Variants in RBFOX1 observed in about 807,000 individuals in gnomAD.
RBFOX1 encodes RNA binding protein fox-1 homolog 1.
RBFOX1 carries 8 observed loss-of-function variants against 57.7 expected under a neutral mutation model. The observed-to-expected ratio is 0.14, with a 90% CI of 0.08 to 0.25. The LOEUF is 0.25. RBFOX1 is among the 10% of genes least tolerant of loss of function. RBFOX1 has a pLI of 1.00. For missense variants in RBFOX1, 611 were observed against 548.5 expected (o/e 1.11, Z -1.14); for synonymous variants, 326 against 222.4 (o/e 1.47, Z -4.15).
At chr16:5,803,708 C>T (rs759292132) in intron 3 of RBFOX1, among the ~76,000 whole-genome samples, 6 of 152,142 alleles carry the variant, frequency 3.9e-5, no homozygotes, top group African/African-American at 1.4e-4. Flanking sequence ...ATACTAGGCA[C>T]AGAGTGGGTA....
At chr16:5,703,737 ATG>A (rs1432892487) in intron 3 of RBFOX1, among the ~76,000 whole-genome samples, 4 of 152,044 alleles carry the variant, frequency 2.6e-5, no homozygotes, top group Admixed American at 6.6e-5. Flanking sequence ...CAAGTGTCAA[ATG>A]TGTGTGTATA....
At chr16:7,425,314 G>T (rs1225574244) in intron 4 of RBFOX1, among the ~76,000 whole-genome samples, 2 of 152,118 alleles carry the variant, frequency 1.3e-5, no homozygotes, top group African/African-American at 2.4e-5. Context: ...CCCGCAAGGG[G>T]TCTATTTGAT....
intron 4 of RBFOX1, among the ~76,000 whole-genome samples, chr16:7,148,342 T>A (rs1444419496): frequency 1.3e-5 from 2 of 152,206 alleles, no homozygotes; most frequent in African/African-American, 2.4e-5. Flanking sequence ...AAGCCTGATT[T>A]TAGCATCTAT....
intron 4 of RBFOX1, among the ~76,000 whole-genome samples, chr16:5,908,346 G>A (rs975107974): frequency 1.2e-5 from 1 of 80,638 alleles, no homozygotes; most frequent in Non-Finnish European, 3.0e-5. Context: ...GTGTGTGTGT[G>A]TGTGTGTCTG....
intron 2 of RBFOX1, among the ~76,000 whole-genome samples, chr16:5,581,389 G>A (rs1474942723): frequency 2.6e-5 from 4 of 152,226 alleles, no homozygotes; most frequent in Non-Finnish European, 5.9e-5. Context: ...ACCTATGTGT[G>A]TCAGTGGGGC....
At chr16:5,406,871 T>G (rs1264277512) in intron 1 of RBFOX1, among the ~76,000 whole-genome samples, 2 of 152,126 alleles carry the variant, frequency 1.3e-5, no homozygotes, top group Non-Finnish European at 1.5e-5. Flanking sequence ...TGAAGAGTGC[T>G]GTGCAGGTGG....
Position 5,289,482 on chromosome 16 carries a change from T to C in RBFOX1, c.219+49377T>C, listed in dbSNP as rs191646368. On this transcript the variant is annotated intron_variant, in intron 1 of 2. Transcript: ENST00000585867. ...AATATAAAAAGAAAGCAAAGTATTT[T>C]GTTAATGTTAAAATATTTTATACAT... 8 of 207,442 alleles carry C rather than the reference T, an allele frequency of 3.9e-5. No individual in the cohort carries two copies. In the East Asian group the frequency reaches 8.5e-4, roughly 22 times the overall value. The allele number at this position is 207,442 out of a possible 1,614,324, so 12.9% of individuals were successfully genotyped here.
chr16:7,399,800 G>A (rs928487294), intron 4 of RBFOX1, among the ~76,000 whole-genome samples: 1 of 152,170 alleles, frequency 6.6e-6, no homozygotes, highest in Non-Finnish European at 1.5e-5. Context: ...TCACAGGCAC[G>A]AGGGGTTAAG....
At chr16:7,288,938 TC>T (rs1408246448) in intron 4 of RBFOX1, among the ~76,000 whole-genome samples, 55 of 152,314 alleles carry the variant, frequency 3.6e-4, no homozygotes, top group African/African-American at 1.3e-3. Context: ...GAATCGTTTG[TC>T]TGGTGAGAGG....
intron 14 of RBFOX1, among the ~76,000 whole-genome samples, chr16:7,694,690 C>T (rs1367184737): frequency 6.6e-6 from 1 of 152,136 alleles, no homozygotes; most frequent in Non-Finnish European, 1.5e-5. Context: ...GTGCTAGGTG[C>T]AATGGTTAAT....
chr16:7,599,141 G>T (rs567147536), intron 9 of RBFOX1, among the ~76,000 whole-genome samples: 7 of 152,354 alleles, frequency 4.6e-5, no homozygotes, highest in African/African-American at 1.7e-4. Flanking sequence ...TAAATGCCCA[G>T]TGCTGAACTG....
intron 4 of RBFOX1, among the ~76,000 whole-genome samples, chr16:7,330,541 GAGAGAGA>G: frequency 6.7e-6 from 1 of 150,364 alleles, no homozygotes; most frequent in African/African-American, 2.5e-5. Context: ...GAGAGAGAGA[GAGAGAGA>G]AAGTTACATA....
At chr16:7,064,617 T>C (rs1419113575) in intron 4 of RBFOX1, among the ~76,000 whole-genome samples, 2 of 152,198 alleles carry the variant, frequency 1.3e-5, no homozygotes, top group African/African-American at 4.8e-5. Flanking sequence ...CGCAGACTTC[T>C]GGCCTCCAGC....
At chr16:5,339,454 A>C (rs889503583) in intron 1 of RBFOX1, among the ~76,000 whole-genome samples, 8 of 102,982 alleles carry the variant, frequency 7.8e-5, no homozygotes, top group African/African-American at 2.5e-4. Context: ...CAAAAGCTAG[A>C]AGCTGCTTTT....
chr16:7,364,382 A>G (rs28471081), intron 4 of RBFOX1, among the ~76,000 whole-genome samples: 35,655 of 152,042 alleles, frequency 0.23, 4,488 homozygotes, highest in African/African-American at 0.32. Context: ...AAATGACTAC[A>G]TTATGGTGCT....
At chr16:5,775,998 C>A (rs1410794391) in intron 3 of RBFOX1, among the ~76,000 whole-genome samples, 1 of 152,022 alleles carries the variant, frequency 6.6e-6, no homozygotes, top group East Asian at 1.9e-4. Context: ...ATCACCTGGC[C>A]CAGGCTGCAG....
chr16:6,653,527 G>A (rs1039993415), intron 2 of RBFOX1, among the ~76,000 whole-genome samples: 1 of 152,106 alleles, frequency 6.6e-6, no homozygotes, highest in Non-Finnish European at 1.5e-5. Context: ...AATTATGTTT[G>A]TTTCACCTTT....
At chr16:7,298,101 A>T (rs1391072201) in intron 4 of RBFOX1, among the ~76,000 whole-genome samples, 1 of 152,118 alleles carries the variant, frequency 6.6e-6, no homozygotes, top group Non-Finnish European at 1.5e-5. Flanking sequence ...AGATTTTTCC[A>T]AGGAAAGACA....
chr16:6,512,997 C>G (rs151133322), intron 2 of RBFOX1, among the ~76,000 whole-genome samples: 1 of 152,144 alleles, frequency 6.6e-6, no homozygotes, highest in Admixed American at 6.5e-5. Context: ...GTTACGAATT[C>G]CTACTTCTCA....
Sources: allele counts gnomAD v4.1 joint callset (sites outside exome capture counted in the v4.1 genomes callset), GRCh38; gene constraint gnomAD v4.1.1; transcripts MANE v1.5; gene names NCBI Gene and HGNC (gene_info 2026-07-23, HGNC 2026-07-21).